TRAF3IP1: variants seen among roughly 807,000 people sequenced by gnomAD.
TRAF3IP1 encodes intraflagellar transport 54, also known as TRAF3-interacting protein 1.
A neutral mutation model predicts 89.9 loss-of-function variants in TRAF3IP1; 53 were observed. That is an observed-to-expected ratio of 0.59 (90% confidence interval 0.47 to 0.74). The LOEUF (loss-of-function observed/expected upper bound fraction) is 0.74, where lower values mean the gene tolerates loss of function less well. Ranked by LOEUF, TRAF3IP1 falls within the 30% of genes least tolerant of loss-of-function variation. The probability of loss-of-function intolerance (pLI) is 0.00; values close to 1 mark genes in which losing one functional copy is unlikely to be tolerated. For missense variants in TRAF3IP1, 806 were observed against 866.1 expected, an observed-to-expected ratio of 0.93 and a Z score of 0.87; for synonymous variants, 311 against 322.1, an observed-to-expected ratio of 0.97 and a Z score of 0.37.
intron 15 of TRAF3IP1, among the ~76,000 whole-genome samples, chr2:238,356,802 A>G (rs1431846635): frequency 6.9e-6 from 1 of 145,392 alleles, no homozygotes; most frequent in Non-Finnish European, 1.5e-5. Context: ...TTTTTGAGGT[A>G]GAGTCTCGCT....
chr2:238,360,160 A>G (rs988682558), intron 15 of TRAF3IP1, among the ~76,000 whole-genome samples: 3 of 152,224 alleles, frequency 2.0e-5, no homozygotes, highest in African/African-American at 4.8e-5. Context: ...ATGGCATGCA[A>G]TTGAAAACTT....
intron 8 of TRAF3IP1, among the ~76,000 whole-genome samples, chr2:238,341,407 T>G (rs183358951): frequency 4.6e-5 from 7 of 152,190 alleles, no homozygotes; most frequent in Non-Finnish European, 8.8e-5. Flanking sequence ...GACATGCAGC[T>G]TTAAAAAAAA....
rs10527993 is a variant in TRAF3IP1 at position 238,351,834 on chromosome 2, G to GGTGTGTGTGTGTGTGTGT, written c.1452-977_1452-960dup. Among the ~76,000 whole-genome samples the GGTGTGTGTGTGTGTGTGT allele has an allele frequency of 1.1e-4, 16 of 140,958 alleles. No individual in the cohort carries two copies. Among genetic ancestry groups the GGTGTGTGTGTGTGTGTGT allele is most frequent in the African/African-American group, 4.2e-4 (16 of 38,018 alleles). The allele number at this position is 140,958 out of a possible 152,430, so 92.5% of individuals were successfully genotyped here. ...TGGCACTGAAGCAAGGGAGGATTTTGGTGTGTGTGTGTGTGTGTGTGTGTG... is the reference window on the plus strand; with the variant it reads ...TGGCACTGAAGCAAGGGAGGATTTTGGTGTGTGTGTGTGTGTGTGTGTGTGTGTGTGTGTGTGTGTGTG... On this transcript the variant is annotated intron_variant, in intron 12 of 16. Transcript: ENST00000373327. This position sits in a 1 kb window ranked among gnomAD's most constrained non-coding sequence, Gnocchi z 5.2.
intron 6 of TRAF3IP1, 141 bp downstream of exon 6, chr2:238,333,036 G>A (rs1001386912): frequency 4.8e-6 from 3 of 631,078 alleles, no homozygotes; most frequent in African/African-American, 1.8e-5. Context: ...ATTTTATTTG[G>A]TTGTAAAAGT....
chr2:238,384,339 TGTA>T (rs1313262028), intron 15 of TRAF3IP1, among the ~76,000 whole-genome samples: 21 of 117,416 alleles, frequency 1.8e-4, no homozygotes, highest in African/African-American at 5.9e-4. Flanking sequence ...ATCAACCTGA[TGTA>T]TGTATGTATG....
chr2:238,325,619 A>G (rs1559353141), intron 2 of TRAF3IP1, among the ~76,000 whole-genome samples, 190 bp from the exon 3 acceptor site: 1 of 152,236 alleles, frequency 6.6e-6, no homozygotes, highest in Non-Finnish European at 1.5e-5. Context: ...CTAGCCCATC[A>G]ACTAAATTAA....
At position 238,398,921 on chromosome 2, in the gene TRAF3IP1, C is replaced by T; in HGVS notation, c.*2C>T. 8 of 1,592,424 alleles carry T rather than the reference C, an allele frequency of 5.0e-6. No individual in the cohort carries two copies. Among genetic ancestry groups the T allele is most frequent in the Non-Finnish European group, 6.0e-6 (7 of 1,174,090 alleles). On this transcript the variant is annotated 3_prime_UTR_variant, in exon 17 of 17. Coordinates refer to ENST00000373327, the MANE Select transcript of TRAF3IP1 (RefSeq NM_015650.4). ...ATCAATTTGACTTCGAGAAGGTGAA[C>T]ACTCAAAAGTTTCAGAGATGAAAAG...
At chr2:238,344,011 A>G (rs1355804431) in intron 8 of TRAF3IP1, among the ~76,000 whole-genome samples, 1 of 151,398 alleles carries the variant, frequency 6.6e-6, no homozygotes, top group East Asian at 1.9e-4. Context: ...TATTTTTTCT[A>G]TCTTCATAAA....
At chr2:238,375,375 A>C (rs549362753) in intron 15 of TRAF3IP1, among the ~76,000 whole-genome samples, 2 of 152,072 alleles carry the variant, frequency 1.3e-5, no homozygotes, top group African/African-American at 2.4e-5. Flanking sequence ...TTCTGCCTTC[A>C]TTTTGTTATG....
At position 238,338,400 on chromosome 2, in the gene TRAF3IP1, T is replaced by G; in HGVS notation, c.1102T>G (p.Ser368Ala). The change falls in exon 8 of 17, where the codon TCC becomes GCC. Residue 368 changes from serine to alanine, a missense_variant. Coordinates refer to ENST00000373327, the MANE Select transcript of TRAF3IP1 (RefSeq NM_015650.4). ...EDNISAKSLD[S>A]IVSGINNEPN... ...TAATATTTCAGCTAAAAGTTTAGAC[T>G]CCATAGTGTCTGGAATAAATAATGA... The G allele has an allele frequency of 6.2e-7, 1 of 1,600,180 alleles. No individual in the cohort carries two copies. Among genetic ancestry groups the G allele is most frequent in the African/African-American group, 1.3e-5 (1 of 74,510 alleles).
chr2:238,337,592 C>A (rs1488077179), intron 7 of TRAF3IP1, among the ~76,000 whole-genome samples: 1 of 152,220 alleles, frequency 6.6e-6, no homozygotes, highest in Non-Finnish European at 1.5e-5. Context: ...AGGAGGGGGC[C>A]ATGGCATCTG....
intron 15 of TRAF3IP1, among the ~76,000 whole-genome samples, chr2:238,359,415 T>G (rs1170115791): frequency 6.6e-6 from 1 of 151,930 alleles, no homozygotes; most frequent in African/African-American, 2.4e-5. Context: ...TTCACTGTGC[T>G]TTAGTTTGCA....
intron 8 of TRAF3IP1, among the ~76,000 whole-genome samples, chr2:238,343,614 T>C (rs1233396793): frequency 6.6e-6 from 1 of 151,530 alleles, no homozygotes; most frequent in Non-Finnish European, 1.5e-5. Context: ...CCTAAAGTGT[T>C]GAGACTTCAG....
intron 14 of TRAF3IP1, among the ~76,000 whole-genome samples, chr2:238,354,902 G>A (rs1055003193): frequency 4.0e-5 from 6 of 151,496 alleles, no homozygotes; most frequent in African/African-American, 9.7e-5. Flanking sequence ...GGCCCCCTTG[G>A]CCTCCCAAAG....
chr2:238,383,186 A>G (rs1700620837), intron 15 of TRAF3IP1, among the ~76,000 whole-genome samples: 3 of 152,196 alleles, frequency 2.0e-5, no homozygotes, highest in Admixed American at 2.0e-4. Flanking sequence ...GCTGCCCTCC[A>G]GGCAGTCTCC....
At chr2:238,341,184 CT>C (rs1227338734) in intron 8 of TRAF3IP1, among the ~76,000 whole-genome samples, 1 of 116,706 alleles carries the variant, frequency 8.6e-6, no homozygotes, top group East Asian at 2.1e-4. Context: ...CCATGCCTAG[CT>C]AATTTTTTTT....
At chr2:238,336,564 A>G (rs1400800326) in intron 7 of TRAF3IP1, among the ~76,000 whole-genome samples, 2 of 152,146 alleles carry the variant, frequency 1.3e-5, no homozygotes, top group Non-Finnish European at 2.9e-5. Context: ...TCATTCTGGA[A>G]TCCCTGCAGA....
chr2:238,381,759 C>T (rs1700560079), intron 15 of TRAF3IP1, among the ~76,000 whole-genome samples: 1 of 152,228 alleles, frequency 6.6e-6, no homozygotes, highest in Non-Finnish European at 1.5e-5. Flanking sequence ...GTGAGCAGAA[C>T]TGACGGGGAC....
intron 5 of TRAF3IP1, among the ~76,000 whole-genome samples, chr2:238,332,432 G>A (rs1698171836): frequency 6.6e-6 from 1 of 152,228 alleles, no homozygotes; most frequent in African/African-American, 2.4e-5. Flanking sequence ...GCGGCTAGGA[G>A]CAGTTTCTCC....
Sources: gnomAD v4.1 joint callset for allele counts (sites outside exome capture counted in the v4.1 genomes callset) on GRCh38, gnomAD v4.1.1 for gene constraint, Gnocchi (gnomAD v3.1) non-coding constraint, MANE v1.5 for transcripts, NCBI Gene and HGNC (gene_info 2026-07-23, HGNC 2026-07-21) for gene names.